The following AFF3 variants were observed in gnomAD, a reference collection of about 807,000 sequenced individuals.
AFF3 encodes the protein ALF transcription elongation factor 3.
AFF3 carries 32 observed loss-of-function variants against 129.7 expected under a neutral mutation model. The observed-to-expected ratio is 0.25, with a 90% CI of 0.19 to 0.33. The LOEUF (loss-of-function observed/expected upper bound fraction) is 0.33, where lower values mean the gene tolerates loss of function less well. Ranked by LOEUF, AFF3 falls within the 10% of genes least tolerant of loss-of-function variation. The pLI, the probability that AFF3 is intolerant of heterozygous loss-of-function variation, is 1.00. For missense variants in AFF3, 1,373 were observed against 1,592.0 expected (o/e 0.86, Z 2.34); for synonymous variants, 644 against 635.4 (o/e 1.01, Z -0.20).
intron 13 of AFF3, among the ~76,000 whole-genome samples, chr2:99,642,373 A>T (rs1684288661): frequency 6.9e-6 from 1 of 144,568 alleles, no homozygotes; most frequent in African/African-American, 2.6e-5. Flanking sequence ...GTGTGTTTGG[A>T]TTCTATAACA....
chr2:100,070,376 G>C (rs1351312863), intron 4 of AFF3, among the ~76,000 whole-genome samples: 1 of 152,194 alleles, frequency 6.6e-6, no homozygotes, highest in African/African-American at 2.4e-5. Context: ...ATTGTTAGAA[G>C]TAGAAATCTG....
chr2:99,670,640 A>T (rs143869388), intron 12 of AFF3, among the ~76,000 whole-genome samples: 1 of 152,272 alleles, frequency 6.6e-6, no homozygotes, highest in East Asian at 1.9e-4. Flanking sequence ...GTCTTGTTTA[A>T]AAGTATGGGA....
chr2:99,890,625 G>A (rs920100781), intron 7 of AFF3, among the ~76,000 whole-genome samples: 1 of 152,132 alleles, frequency 6.6e-6, no homozygotes, highest in African/African-American at 2.4e-5. Flanking sequence ...CTCCCAACCA[G>A]CACTCTCTCA....
chr2:99,904,681 T>G (rs1694584243), intron 7 of AFF3, among the ~76,000 whole-genome samples: 1 of 152,196 alleles, frequency 6.6e-6, no homozygotes, highest in South Asian at 2.1e-4. Context: ...TGTTTGTTTC[T>G]TCAATAATCA....
chr2:99,634,836 G>A (rs1374038983), intron 13 of AFF3, among the ~76,000 whole-genome samples: 2 of 151,920 alleles, frequency 1.3e-5, no homozygotes, highest in Non-Finnish European at 2.9e-5. Context: ...TAGACGAGGT[G>A]TGTTCTTGCA....
At chr2:99,988,458 G>A (rs904378092) in intron 7 of AFF3, among the ~76,000 whole-genome samples, 1 of 152,186 alleles carries the variant, frequency 6.6e-6, no homozygotes, top group Non-Finnish European at 1.5e-5. Context: ...GTGAGGTGAT[G>A]TAAAGGGTCC....
chr2:99,554,727 T>G lies in AFF3; in HGVS notation c.3291A>C (p.Ser1097=), dbSNP rs1290008762. Reference sequence around the variant, plus strand: ...GAGATGGGGCTTGGGCGGCTTTAGATGAGTTCTGCAAGAAAATAAAAACAC... The same window carrying G: ...GAGATGGGGCTTGGGCGGCTTTAGAGGAGTTCTGCAAGAAAATAAAAACAC... ...SKALIDYFKN[S]SKAAQAPSPW... The change falls in exon 23 of 25, where the codon TCA becomes TCC. Residue 1097 remains serine (S), a synonymous_variant. Transcript: ENST00000672756. The G allele has an allele frequency of 1.9e-6, 3 of 1,614,048 alleles. No homozygotes were observed. Among genetic ancestry groups the G allele is most frequent in the Admixed American group, 3.3e-5 (2 of 60,010 alleles).
At chr2:99,779,808 A>AT (rs1470796635) in intron 8 of AFF3, among the ~76,000 whole-genome samples, 2 of 152,142 alleles carry the variant, frequency 1.3e-5, no homozygotes. Flanking sequence ...ATTAGTCTTC[A>AT]TTTTACAAGG....
chr2:99,922,619 T>C (rs1695934544), intron 7 of AFF3, among the ~76,000 whole-genome samples: 1 of 152,194 alleles, frequency 6.6e-6, no homozygotes, highest in African/African-American at 2.4e-5. Context: ...GGGTGATGGA[T>C]ATGTTCTGTG....
intron 5 of AFF3, chr2:100,008,093 G>A (rs543045047): frequency 6.5e-6 from 1 of 153,306 alleles, no homozygotes; most frequent in South Asian, 2.1e-4. Flanking sequence ...ACTGGATTAA[G>A]TCTTTCTATG....
chr2:99,866,165 G>C lies in AFF3; in HGVS notation c.874-28641C>G, dbSNP rs114781019. Among the ~76,000 whole-genome samples, 808 of 152,256 alleles carry C rather than the reference G, an allele frequency of 5.3e-3. 5 individuals are homozygous for C. Among genetic ancestry groups the C allele is most frequent in the Non-Finnish European group, 9.4e-3 (639 of 68,032 alleles). On this transcript the variant is annotated intron_variant, in intron 7 of 24. Transcript: ENST00000672756. ...CATCTTAAGCTCCCCACCTCAGAGA[G>C]GTTTACAATCATCTGTGAGTTACAC...
At chr2:99,595,426 C>A (rs1679188376) in intron 14 of AFF3, among the ~76,000 whole-genome samples, 2 of 152,080 alleles carry the variant, frequency 1.3e-5, no homozygotes, top group Admixed American at 1.3e-4. Flanking sequence ...TCAGAGGAGA[C>A]CAGATACCAG....
chr2:99,825,459 T>C (rs564038230), intron 8 of AFF3, among the ~76,000 whole-genome samples: 2 of 152,336 alleles, frequency 1.3e-5, no homozygotes, highest in South Asian at 4.1e-4. Flanking sequence ...TGATAATAAA[T>C]ACAAATTTAA....
intron 7 of AFF3, among the ~76,000 whole-genome samples, chr2:99,950,603 A>C (rs1423307140): frequency 6.6e-6 from 1 of 152,192 alleles, no homozygotes; most frequent in Non-Finnish European, 1.5e-5. Context: ...CTTTCACTAA[A>C]TTGTCATATC....
At chr2:99,551,714 C>G (rs1674428165) in intron 24 of AFF3, 119 bp from the exon 25 acceptor site, 1 of 1,274,306 alleles carries the variant, frequency 7.8e-7, no homozygotes, top group African/African-American at 1.5e-5. Context: ...TTCTCCGTTC[C>G]ATCATGTAAC....
At chr2:99,652,839 G>A (rs1685393482) in intron 12 of AFF3, among the ~76,000 whole-genome samples, 1 of 152,090 alleles carries the variant, frequency 6.6e-6, no homozygotes, top group African/African-American at 2.4e-5. Flanking sequence ...CCCATGTCCT[G>A]GTATTCCATT....
At chr2:99,855,263 A>C (rs1690442194) in intron 7 of AFF3, among the ~76,000 whole-genome samples, 1 of 152,218 alleles carries the variant, frequency 6.6e-6, no homozygotes, top group Non-Finnish European at 1.5e-5. Flanking sequence ...CATAAGTCTG[A>C]ATACAGTAAA....
chr2:99,577,752 T>C (rs2104774175), intron 18 of AFF3, among the ~76,000 whole-genome samples: 1 of 152,378 alleles, frequency 6.6e-6, no homozygotes, highest in Middle Eastern at 3.4e-3. Context: ...TCCAGGATGT[T>C]GTTTTTATTC....
intron 7 of AFF3, among the ~76,000 whole-genome samples, chr2:99,973,626 A>G (rs1159540693): frequency 6.6e-6 from 1 of 152,136 alleles, no homozygotes; most frequent in Non-Finnish European, 1.5e-5. Flanking sequence ...CATACTGCAT[A>G]AGCTCCAATT....
Sources: gnomAD v4.1 joint callset for allele counts (sites outside exome capture counted in the v4.1 genomes callset) on GRCh38, gnomAD v4.1.1 for gene constraint, MANE v1.5 for transcripts, NCBI Gene and HGNC (gene_info 2026-07-23, HGNC 2026-07-21) for gene names.